The following KANK3 variants were observed in gnomAD, a reference collection of about 807,000 sequenced individuals.
KANK3 encodes the protein KN motif and ankyrin repeat domain-containing protein 3.
A neutral mutation model predicts 65.4 loss-of-function variants in KANK3; 61 were observed. That is an observed-to-expected ratio of 0.93 (90% CI 0.76 to 1.15). The LOEUF (loss-of-function observed/expected upper bound fraction) is 1.15, where lower values mean the gene tolerates loss of function less well. Among genes scored for constraint, KANK3 ranks in the 50% most tolerant of loss-of-function variants. KANK3 has a pLI of 0.00. For missense variants in KANK3, 1,187 were observed against 1,178.8 expected (o/e 1.01, Z -0.10); for synonymous variants, 586 against 543.3 (o/e 1.08, Z -1.09).
chr19:8,332,774 G>T, intron 7 of KANK3: 1 of 195,072 alleles, frequency 5.1e-6, no homozygotes, highest in Non-Finnish European at 1.0e-5. Flanking sequence ...CCGAGATCGC[G>T]CCACTGCACT....
At chr19:8,337,969 T>G in intron 1 of KANK3, 113 bp from the exon 2 acceptor site, 1 of 1,303,694 alleles carries the variant, frequency 7.7e-7, no homozygotes, top group Non-Finnish European at 9.9e-7. Context: ...CCCAGCCACC[T>G]CCCTCCACAC....
At chr19:8,338,701 C>T (rs1185699440) in intron 1 of KANK3, among the ~76,000 whole-genome samples, 1 of 151,462 alleles carries the variant, frequency 6.6e-6, no homozygotes, top group African/African-American at 2.4e-5. Context: ...CGGTGAAACC[C>T]CATCTCTACT....
At chr19:8,325,286 C>T (rs1836344783) in intron 7 of KANK3, among the ~76,000 whole-genome samples, 190 bp from the exon 8 acceptor site, 1 of 130,668 alleles carries the variant, frequency 7.7e-6, no homozygotes, top group African/African-American at 3.1e-5. Flanking sequence ...GAAGGACCTT[C>T]CTGTTTCATC....
At chr19:8,335,942 T>G in intron 2 of KANK3, 150 bp from the exon 3 acceptor site, 1 of 521,352 alleles carries the variant, frequency 1.9e-6, no homozygotes. Flanking sequence ...AATGAGCACC[T>G]ACTCTGTGCT....
At position 8,337,795 on chromosome 19, in the gene KANK3, C is replaced by G; in HGVS notation, c.34G>C (p.Asp12His). The change falls in exon 2 of 11, where the codon GAC becomes CAC. Residue 12 changes from aspartate (D) to histidine (H), a missense_variant and splice_region_variant. Asp to His is a moderately conservative substitution (Grantham distance 81). Coordinates refer to ENST00000330915, the MANE Select transcript of KANK3 (RefSeq NM_198471.3). ...AKFALNQNLP[D>H]LGGPRLCPVP... ...CACATCTCTCTTTTTGCACACTCACCGGGCAGGTTCTGATTCAGGGCAAAC... is the reference window on the plus strand; with the variant it reads ...CACATCTCTCTTTTTGCACACTCACGGGGCAGGTTCTGATTCAGGGCAAAC... 6.2e-7 allele frequency: 1 copy of G among 1,613,090 alleles called. No homozygotes were observed. Among genetic ancestry groups the G allele is most frequent in the Non-Finnish European group, 8.5e-7 (1 of 1,179,982 alleles).
chr19:8,335,680 G>T lies in KANK3; in HGVS notation c.147C>A (p.Leu49=). Residue 49 remains leucine (L), a synonymous_variant, in exon 3 of 11, where the codon CTC becomes CTA. Transcript: ENST00000330915. ...CACGCTCCAGCTCCTCTATGTACTT[G>T]AGGAAGTCCAGGTCCAGGTGGAAGC... ...PYGFHLDLDF[L]KYIEELERGP... 1 of 1,255,338 alleles carries T rather than the reference G, an allele frequency of 8.0e-7. No homozygotes were observed. The allele number at this position is 1,255,338 out of a possible 1,614,324, so 77.8% of individuals were successfully genotyped here.
chr19:8,334,453 G>A (rs1173661259), intron 3 of KANK3, 34 bp from the exon 4 acceptor site: 2 of 1,611,462 alleles, frequency 1.2e-6, no homozygotes, highest in African/African-American at 2.7e-5. Flanking sequence ...CTGAGTTCGA[G>A]TCCGGCGCCG....
At chr19:8,341,081 C>T (rs910332606) in intron 1 of KANK3, among the ~76,000 whole-genome samples, 2 of 152,134 alleles carry the variant, frequency 1.3e-5, no homozygotes, top group African/African-American at 4.8e-5. Context: ...TGGGCCATTC[C>T]TAAGACCTAA....
chr19:8,337,759 GCA>G (rs371774392), intron 2 of KANK3, 34 bp downstream of exon 2: 94 of 1,587,036 alleles, frequency 5.9e-5, no homozygotes, highest in Non-Finnish European at 5.2e-5. Context: ...CTGTGCATGC[GCA>G]CACACACACA....
chr19:8,338,515 C>T (rs1568579533), intron 1 of KANK3, among the ~76,000 whole-genome samples: 1 of 152,158 alleles, frequency 6.6e-6, no homozygotes, highest in South Asian at 2.1e-4. Flanking sequence ...AATGGACGCT[C>T]TATGTAGTGG....
rs1195312636 is a variant in KANK3 at position 8,333,203 on chromosome 19, A to G, written c.1747T>C (p.Trp583Arg). 1 of 1,611,676 alleles carries G rather than the reference A, an allele frequency of 6.2e-7. No homozygotes were observed. Among genetic ancestry groups the G allele is most frequent in the Non-Finnish European group, 8.5e-7 (1 of 1,179,636 alleles). Residue 583 changes from tryptophan (W) to arginine (R), a missense_variant, in exon 7 of 11, where the codon TGG (tryptophan) becomes CGG (arginine). Coordinates refer to ENST00000330915, the MANE Select transcript of KANK3 (RefSeq NM_198471.3). The surrounding 1 kb of genome is among the most constrained non-coding windows in gnomAD (Gnocchi z 5.0). The stretch of plus-strand genomic sequence containing the variant: ...CGCCGCTGGCTGGACACTCGAAACC[A>G]CTCCTGGGCCACGAGGCGCACTGCG... ...GGAVRLVAQEWFRVSSQRRSQ... is the reference protein window; with the variant it reads ...GGAVRLVAQERFRVSSQRRSQ...
rs892571353 is a variant in KANK3 at position 8,329,192 on chromosome 19, A to G, written c.1936+3822T>C. 1.1e-4 allele frequency among the ~76,000 whole-genome samples: 16 copies of G among 146,492 alleles called. No homozygotes were observed. In the Admixed American group the frequency reaches 1.1e-3, roughly 10 times the overall value. On this transcript the variant is annotated intron_variant, in intron 7 of 10. Transcript: ENST00000330915. Reference sequence around the variant, plus strand: ...TCTCAAAAAAAAAAAAAAAAAGGAAATTGACAAGTGCCGGCTGGGTGCGGT... The same window carrying G: ...TCTCAAAAAAAAAAAAAAAAAGGAAGTTGACAAGTGCCGGCTGGGTGCGGT...
At chr19:8,330,697 T>C (rs1042028777) in intron 7 of KANK3, among the ~76,000 whole-genome samples, 5 of 149,242 alleles carry the variant, frequency 3.4e-5, no homozygotes, top group African/African-American at 1.0e-4. Context: ...CATTGCACTG[T>C]AGCCTGGGCA....
At chr19:8,334,253 A>G in intron 4 of KANK3, 67 bp downstream of exon 4, 1 of 1,595,404 alleles carries the variant, frequency 6.3e-7, no homozygotes, top group Admixed American at 1.7e-5. Flanking sequence ...GTAGAGGGGC[A>G]GAGCTGGGGT....
chr19:8,333,462 A>C lies in KANK3; in HGVS notation c.1720-232T>G, dbSNP rs1970566572. On this transcript the variant is annotated intron_variant, in intron 6 of 10. Coordinates refer to ENST00000330915, the MANE Select transcript of KANK3 (RefSeq NM_198471.3). The surrounding 1 kb of genome is among the most constrained non-coding windows in gnomAD (Gnocchi z 5.0). ...GGGGGTCCTTTCCTTCCAGGGAAGA[A>C]TTTGCGGGAGAACATGGAACGGGGA... Among the ~76,000 whole-genome samples the C allele has an allele frequency of 1.3e-5, 2 of 152,116 alleles. No individual in the cohort carries two copies. Among genetic ancestry groups the C allele is most frequent in the South Asian group, 4.1e-4 (2 of 4,830 alleles).
intron 2 of KANK3, among the ~76,000 whole-genome samples, chr19:8,337,041 T>C (rs1296900199): frequency 8.7e-6 from 1 of 115,092 alleles, no homozygotes; most frequent in East Asian, 2.3e-4. Context: ...TTTGTTTTTT[T>C]CTTTTTTTTG....
intron 1 of KANK3, among the ~76,000 whole-genome samples, chr19:8,339,708 A>T (rs12975181): frequency 1.3e-5 from 2 of 151,662 alleles, no homozygotes; most frequent in Admixed American, 6.6e-5. Flanking sequence ...CACCAAGCAC[A>T]GTGGCTCACA....
rs866083107 is a variant in KANK3, at chr19:8,333,563, G to A, written c.1719+161C>T. Among the ~76,000 whole-genome samples, 1 of 152,202 alleles carries A rather than the reference G, an allele frequency of 6.6e-6. No individual in the cohort carries two copies. Among genetic ancestry groups the A allele is most frequent in the African/African-American group, 2.4e-5 (1 of 41,458 alleles). On this transcript the variant is annotated intron_variant, in intron 6 of 10. Transcript: ENST00000330915. This position sits in a 1 kb window ranked among gnomAD's most constrained non-coding sequence, Gnocchi z 5.0. ...GGCCTTTTTGGGGAAACCAAGGAAA[G>A]ATCGGCGCTGTCCTGGGAAGGAGAT...
At chr19:8,340,287 T>C (rs1465627385) in intron 1 of KANK3, among the ~76,000 whole-genome samples, 1 of 64,026 alleles carries the variant, frequency 1.6e-5, no homozygotes, top group South Asian at 3.8e-4. Flanking sequence ...TATATATATA[T>C]ATATACACAC....
Sources: allele counts gnomAD v4.1 joint callset (sites outside exome capture counted in the v4.1 genomes callset), GRCh38; gene constraint gnomAD v4.1.1; non-coding constraint Gnocchi (gnomAD v3.1); transcripts MANE v1.5; gene names NCBI Gene and HGNC (gene_info 2026-07-23, HGNC 2026-07-21).